Variants in ARHGAP39 observed in about 807,000 individuals in gnomAD.
ARHGAP39 encodes the protein rho GTPase-activating protein 39.
A neutral mutation model predicts 106.9 loss-of-function variants in ARHGAP39; 44 were observed. That is an observed-to-expected ratio of 0.41 (90% CI 0.32 to 0.53). The LOEUF (loss-of-function observed/expected upper bound fraction) is 0.53. Ranked by LOEUF, ARHGAP39 falls within the 20% of genes least tolerant of loss-of-function variation. The pLI is 0.21. For synonymous variants in ARHGAP39, 768 were observed against 693.2 expected, an observed-to-expected ratio of 1.11 and a Z score of -1.69; for missense variants, 1,496 against 1,577.3, an observed-to-expected ratio of 0.95 and a Z score of 0.87.
In ARHGAP39 at chr8:144,530,755, C is replaced by G; in HGVS notation, c.3097G>C (p.Ala1033Pro). The G allele has an allele frequency of 6.2e-7, 1 of 1,610,480 alleles. No homozygotes were observed. The highest frequency in any genetic ancestry group is 8.5e-7 in the Non-Finnish European group (1 of 1,179,018). The change falls in exon 11 of 12, where the codon GCG (alanine) becomes CCG (proline). Residue 1033 changes from alanine to proline, a missense_variant. Physicochemically the swap from Ala to Pro is conservative, Grantham distance 27. This residue lies in a region of ARHGAP39 where 470 missense variants were observed against 605.1 expected (regional missense o/e 0.78). Coordinates refer to ENST00000377307, the MANE Select transcript of ARHGAP39 (RefSeq NM_025251.3). ...ACCATGCGGTTGATGCGGGGCAGCGCGTGCACCACGGCCACCGCCGCCTCG... is the reference window on the plus strand; with the variant it reads ...ACCATGCGGTTGATGCGGGGCAGCGGGTGCACCACGGCCACCGCCGCCTCG... ...SPEAAVAVVHALPRINRMVLC... is the reference protein window; with the variant it reads ...SPEAAVAVVHPLPRINRMVLC...
At position 144,670,992 on chromosome 8, in the gene ARHGAP39, C is replaced by A. The variant is rs1822087527; in HGVS notation, c.-82+14694G>T. On this transcript the variant is annotated intron_variant, in intron 1 of 11. Transcript: ENST00000377307. This position sits in a 1 kb window ranked among gnomAD's most constrained non-coding sequence, Gnocchi z 4.4. ...GCTCCCTCCTCCCACACCAGAGACCCCCACCACACACATGTGCTCACACTC... is the reference window on the plus strand; with the variant it reads ...GCTCCCTCCTCCCACACCAGAGACCACCACCACACACATGTGCTCACACTC... Among the ~76,000 whole-genome samples, 1 of 152,212 alleles carries A rather than the reference C, an allele frequency of 6.6e-6. No homozygotes were observed. Among genetic ancestry groups the A allele is most frequent in the Non-Finnish European group, 1.5e-5 (1 of 68,034 alleles).
intron 3 of ARHGAP39, among the ~76,000 whole-genome samples, chr8:144,558,017 A>T (rs1818010033): frequency 6.6e-6 from 1 of 152,250 alleles, no homozygotes; most frequent in African/African-American, 2.4e-5. Context: ...GACCTCACTT[A>T]CGTACCACCT....
intron 3 of ARHGAP39, among the ~76,000 whole-genome samples, chr8:144,557,361 G>C (rs1458132308): frequency 3.5e-4 from 45 of 128,924 alleles, no homozygotes; most frequent in Admixed American, 7.2e-4. Context: ...GTATTCAGAG[G>C]CAAAGGCTGA....
intron 2 of ARHGAP39, among the ~76,000 whole-genome samples, chr8:144,599,415 T>C (rs754451402): frequency 1.6e-4 from 25 of 152,212 alleles, no homozygotes; most frequent in Non-Finnish European, 3.2e-4. Context: ...TAAATCATGA[T>C]ACCATTAGTG....
chr8:144,588,839 G>T (rs1342639475), intron 2 of ARHGAP39, among the ~76,000 whole-genome samples: 1 of 152,264 alleles, frequency 6.6e-6, no homozygotes, highest in East Asian at 1.9e-4. Context: ...CGCCGCCTCT[G>T]TGGTCCTCCT....
chr8:144,697,394 A>C, the ARHGAP39 span, among the ~76,000 whole-genome samples: 1 of 151,526 alleles, frequency 6.6e-6, no homozygotes, highest in African/African-American at 2.4e-5. Flanking sequence ...ATGGTTAATA[A>C]TTTTTACCAT....
intron 3 of ARHGAP39, among the ~76,000 whole-genome samples, chr8:144,576,819 C>T (rs1305761724): frequency 6.6e-6 from 1 of 152,138 alleles, no homozygotes; most frequent in Non-Finnish European, 1.5e-5. Flanking sequence ...CCGCTTGTTT[C>T]TTAAAATGAT....
intron 1 of ARHGAP39, among the ~76,000 whole-genome samples, chr8:144,675,326 G>A (rs937882352): frequency 6.6e-6 from 1 of 152,134 alleles, no homozygotes; most frequent in Non-Finnish European, 1.5e-5. Flanking sequence ...TCTGCCTCCC[G>A]GTACGCCACT....
At chr8:144,674,049 CGAG>C (rs1031180506) in intron 1 of ARHGAP39, among the ~76,000 whole-genome samples, 1 of 152,106 alleles carries the variant, frequency 6.6e-6, no homozygotes, top group Non-Finnish European at 1.5e-5. Flanking sequence ...AGCCCTGGCT[CGAG>C]GAGACCCTAG....
At chr8:144,620,542 T>C (rs1179431399) in intron 1 of ARHGAP39, among the ~76,000 whole-genome samples, 2 of 146,932 alleles carry the variant, frequency 1.4e-5, no homozygotes, top group Non-Finnish European at 2.9e-5. Flanking sequence ...CCTGAGAGCA[T>C]ATATGCCCGT....
intron 1 of ARHGAP39, among the ~76,000 whole-genome samples, chr8:144,676,037 G>A (rs1179384293): frequency 6.6e-6 from 1 of 152,176 alleles, no homozygotes. Flanking sequence ...AGACCTTCTC[G>A]GTGAGTGTCA....
chr8:144,598,546 C>T (rs1354438931), intron 2 of ARHGAP39, among the ~76,000 whole-genome samples: 1 of 152,252 alleles, frequency 6.6e-6, no homozygotes, highest in East Asian at 1.9e-4. Flanking sequence ...GTGCCCCTCA[C>T]AGAGCACAGG....
chr8:144,548,920 A>G lies in ARHGAP39; in HGVS notation c.597-431T>C, dbSNP rs1435627618. Among the ~76,000 whole-genome samples the G allele has an allele frequency of 2.0e-5, 3 of 152,160 alleles. No homozygotes were observed. The highest frequency in any genetic ancestry group is 2.9e-5 in the Non-Finnish European group (2 of 68,008). On this transcript the variant is annotated intron_variant, in intron 4 of 11. Transcript: ENST00000377307. This position sits in a 1 kb window ranked among gnomAD's most constrained non-coding sequence, Gnocchi z 7.4. ...CAGGTGAGCCCAGCAGGAGGAAGGC[A>G]CACCACCAGAATCCCACGGCCCCAT... is the stretch of plus-strand genomic sequence containing the variant.
Position 144,635,467 on chromosome 8 carries a change from T to C in ARHGAP39, c.-81-29772A>G, listed in dbSNP as rs191506328. Among the ~76,000 whole-genome samples, 22 of 152,362 alleles carry C rather than the reference T, an allele frequency of 1.4e-4. No individual in the cohort carries two copies. The East Asian group carries it at 3.9e-3, about 27-fold the overall frequency. On this transcript the variant is annotated intron_variant, in intron 1 of 11. Transcript: ENST00000377307. ...TTCCCCACACCTCACCCTACGCTTC[T>C]CTTCATCTGTATCCTTTGTAATATC...
intron 1 of ARHGAP39, among the ~76,000 whole-genome samples, chr8:144,677,169 T>C (rs991824031): frequency 1.3e-5 from 2 of 152,370 alleles, no homozygotes; most frequent in South Asian, 4.1e-4. Flanking sequence ...ACATTGTGTT[T>C]ATCCGTTCAT....
intron 1 of ARHGAP39, among the ~76,000 whole-genome samples, chr8:144,614,959 T>C (rs550921218): frequency 6.6e-6 from 1 of 152,338 alleles, no homozygotes; most frequent in African/African-American, 2.4e-5. Context: ...ATGAACACAA[T>C]GATCAGTATG....
At chr8:144,553,926 G>T (rs200932768) in intron 4 of ARHGAP39, among the ~76,000 whole-genome samples, 2 of 152,260 alleles carry the variant, frequency 1.3e-5, no homozygotes, top group African/African-American at 4.8e-5. Context: ...CACAGAGCTC[G>T]ATGTGGGCTG....
intron 3 of ARHGAP39, among the ~76,000 whole-genome samples, chr8:144,569,020 G>A (rs1394329999): frequency 6.6e-6 from 1 of 152,098 alleles, no homozygotes; most frequent in Non-Finnish European, 1.5e-5. Context: ...AGGCAGAGAC[G>A]TTCAGACTGA....
rs1563685874 is a variant in ARHGAP39 at position 144,581,282 on chromosome 8, G to C, written c.81-5C>G. The C allele has an allele frequency of 7.8e-6, 12 of 1,540,190 alleles. No homozygotes were observed. The highest frequency in any genetic ancestry group is 1.2e-5 in the South Asian group (1 of 83,070). ...ATGATCTCCACCCACTCCAACCTGG[G>C]GAGAGACAGGGTTAAGGCGGCTGGA... On this transcript the variant is annotated splice_polypyrimidine_tract_variant and splice_region_variant and intron_variant, in intron 2 of 11. Coordinates refer to ENST00000377307, the MANE Select transcript of ARHGAP39 (RefSeq NM_025251.3).
Sources: gnomAD v4.1 joint callset for allele counts (sites outside exome capture counted in the v4.1 genomes callset) on GRCh38, gnomAD v4.1.1 for gene constraint, gnomAD v4.1.1 regional missense constraint, Gnocchi (gnomAD v3.1) non-coding constraint, MANE v1.5 for transcripts, NCBI Gene and HGNC (gene_info 2026-07-23, HGNC 2026-07-21) for gene names.